PRPSAP2: variants seen among roughly 807,000 people sequenced by gnomAD.
PRPSAP2 encodes the protein phosphoribosyl pyrophosphate synthetase associated protein 2, also known as phosphoribosyl pyrophosphate synthase-associated protein 2.
In PRPSAP2, 24 loss-of-function variants were observed where a neutral mutation model predicts 40.6. That is an observed-to-expected ratio of 0.59 (90% confidence interval 0.43 to 0.83). The LOEUF (loss-of-function observed/expected upper bound fraction) is 0.83, where lower values mean the gene tolerates loss of function less well. Ranked by LOEUF, PRPSAP2 falls within the 40% of genes least tolerant of loss-of-function variation. The pLI, the probability that PRPSAP2 is intolerant of heterozygous loss-of-function variation, is 0.00. For missense variants in PRPSAP2, 292 were observed against 465.6 expected (o/e 0.63, Z 3.43); for synonymous variants, 149 against 164.7 (o/e 0.90, Z 0.73).
At chr17:18,915,752 A>G (rs978456751) in intron 9 of PRPSAP2, among the ~76,000 whole-genome samples, 1 of 152,126 alleles carries the variant, frequency 6.6e-6, no homozygotes, top group African/African-American at 2.4e-5. Context: ...TCCATTCATG[A>G]AGGATCTGCC....
At chr17:18,866,055 T>A in intron 3 of PRPSAP2, 103 bp downstream of exon 3, 1 of 790,080 alleles carries the variant, frequency 1.3e-6, no homozygotes, top group Non-Finnish European at 1.7e-6. Flanking sequence ...AGATATTTTA[T>A]AATTATAAAA....
intron 9 of PRPSAP2, among the ~76,000 whole-genome samples, chr17:18,916,150 A>G (rs900715230): frequency 4.0e-5 from 6 of 151,744 alleles, no homozygotes; most frequent in African/African-American, 1.5e-4. Context: ...GTGGAGACAA[A>G]CTACATCCAA....
chr17:18,893,795 A>G (rs538195969), intron 8 of PRPSAP2, among the ~76,000 whole-genome samples: 7 of 152,252 alleles, frequency 4.6e-5, no homozygotes, highest in South Asian at 4.1e-4. Context: ...TCCTGACCTC[A>G]AGTGATCTTG....
intron 8 of PRPSAP2, among the ~76,000 whole-genome samples, chr17:18,896,566 T>G (rs916250327): frequency 1.3e-5 from 2 of 148,916 alleles, no homozygotes; most frequent in African/African-American, 4.9e-5. Context: ...GGCCATCTCA[T>G]TCCCCAGATT....
chr17:18,898,585 C>T (rs2040066081), intron 8 of PRPSAP2, among the ~76,000 whole-genome samples: 1 of 152,196 alleles, frequency 6.6e-6, no homozygotes, highest in African/African-American at 2.4e-5. Flanking sequence ...TCTTTTCTCT[C>T]AGCACCTGAA....
At chr17:18,921,329 AG>A (rs1400620185) in intron 9 of PRPSAP2, among the ~76,000 whole-genome samples, 1 of 152,214 alleles carries the variant, frequency 6.6e-6, no homozygotes, top group Admixed American at 6.5e-5. Context: ...TATGAATATA[AG>A]GCTTTTTGTC....
chr17:18,893,861 G>A (rs1209489089), intron 8 of PRPSAP2, among the ~76,000 whole-genome samples: 1 of 152,034 alleles, frequency 6.6e-6, no homozygotes, highest in African/African-American at 2.4e-5. Context: ...ACCGCACCCA[G>A]CCACCATAGC....
chr17:18,910,050 T>C (rs559729688), intron 8 of PRPSAP2, among the ~76,000 whole-genome samples: 1 of 152,334 alleles, frequency 6.6e-6, no homozygotes, highest in South Asian at 2.1e-4. Context: ...AGCAGAATAT[T>C]ACTCAGCAAT....
intron 7 of PRPSAP2, among the ~76,000 whole-genome samples, chr17:18,883,776 T>C (rs2038936923): frequency 6.6e-6 from 1 of 152,202 alleles, no homozygotes; most frequent in Admixed American, 6.6e-5. Flanking sequence ...AGAAGATAAC[T>C]TCTTTTTACA....
At chr17:18,890,005 G>A (rs2039438260) in intron 8 of PRPSAP2, 128 bp downstream of exon 8, 1 of 651,312 alleles carries the variant, frequency 1.5e-6, no homozygotes. Flanking sequence ...TCCATGGACT[G>A]GTATTTTAAG....
At chr17:18,862,270 T>C (rs1239303732) in intron 1 of PRPSAP2, among the ~76,000 whole-genome samples, 2 of 152,166 alleles carry the variant, frequency 1.3e-5, no homozygotes, top group African/African-American at 4.8e-5. Flanking sequence ...CAAGCTTCTG[T>C]TGAGTGGTTC....
chr17:18,919,781 G>A lies in PRPSAP2; in HGVS notation c.734-4133G>A, dbSNP rs565020750. On this transcript the variant is annotated intron_variant, in intron 9 of 11. Coordinates refer to ENST00000268835, the MANE Select transcript of PRPSAP2 (RefSeq NM_002767.4). ...ATAAACAGGATCAGAAAGAGAAAGC[G>A]ACTTCCCTGCAGTCACATAGTGACA... Among the ~76,000 whole-genome samples the A allele has an allele frequency of 2.2e-4, 34 of 152,314 alleles. 1 individual carries two copies. Among genetic ancestry groups the A allele is most frequent in the East Asian group, 1.9e-4 (1 of 5,182 alleles).
At chr17:18,867,802 T>C (rs1320593791) in intron 4 of PRPSAP2, among the ~76,000 whole-genome samples, 1 of 152,192 alleles carries the variant, frequency 6.6e-6, no homozygotes, top group Non-Finnish European at 1.5e-5. Context: ...TTGATACATG[T>C]CATTACATAA....
intron 10 of PRPSAP2, among the ~76,000 whole-genome samples, chr17:18,926,919 C>CT (rs1435105449): frequency 1.3e-5 from 2 of 152,304 alleles, no homozygotes; most frequent in Admixed American, 1.3e-4. Flanking sequence ...CATAGCTACA[C>CT]TGACATCCTT....
At chr17:18,867,179 T>G in intron 3 of PRPSAP2, 103 bp from the exon 4 acceptor site, 6 of 1,156,326 alleles carry the variant, frequency 5.2e-6, no homozygotes, top group South Asian at 2.9e-5. Flanking sequence ...AAGAATAACT[T>G]TATTTTATTT....
Position 18,865,894 on chromosome 17 carries a change from G to A in PRPSAP2, c.61G>A (p.Val21Met). 1.3e-6 allele frequency: 2 copies of A among 1,544,538 alleles called. No individual in the cohort carries two copies. The highest frequency in any genetic ancestry group is 1.8e-6 in the Non-Finnish European group (2 of 1,136,876). Residue 21 changes from valine to methionine, a missense_variant, in exon 3 of 12, where the codon GTG becomes ATG. Coordinates refer to ENST00000268835, the MANE Select transcript of PRPSAP2 (RefSeq NM_002767.4). ...GATGAACATAACCAAAGGTGGTCTG[G>A]TGTTGTTTTCAGCAAACTCGAATTC... The part of the protein sequence containing the change: ...TKMNITKGGL[V>M]LFSANSNSSC...
intron 8 of PRPSAP2, chr17:18,904,142 T>C (rs1028344601): frequency 3.3e-5 from 5 of 152,212 alleles, no homozygotes; most frequent in East Asian, 1.9e-4. Flanking sequence ...AGCCTCAGTT[T>C]CCTGGGGATA....
intron 10 of PRPSAP2, among the ~76,000 whole-genome samples, chr17:18,924,377 G>A (rs1457885862): frequency 2.0e-5 from 3 of 152,214 alleles, no homozygotes; most frequent in Non-Finnish European, 4.4e-5. Context: ...AAGGCCTAAG[G>A]ATAGTAGTAT....
At chr17:18,866,976 C>T (rs1442402915) in intron 3 of PRPSAP2, among the ~76,000 whole-genome samples, 1 of 151,914 alleles carries the variant, frequency 6.6e-6, no homozygotes, top group Non-Finnish European at 1.5e-5. Flanking sequence ...GATTCCAAGC[C>T]TCTGCAGCAT....
Sources: allele counts gnomAD v4.1 joint callset (sites outside exome capture counted in the v4.1 genomes callset), GRCh38; gene constraint gnomAD v4.1.1; transcripts MANE v1.5; gene names NCBI Gene and HGNC (gene_info 2026-07-23, HGNC 2026-07-21).